The following NWD2 variants were observed in gnomAD, a reference collection of about 807,000 sequenced individuals.
NWD2 encodes the protein NACHT and WD repeat domain-containing protein 2.
A neutral mutation model predicts 132.7 loss-of-function variants in NWD2; 37 were observed. The ratio of observed to expected loss-of-function variants is 0.28; its 90% confidence interval spans 0.21 to 0.37. The LOEUF is 0.37. NWD2 is among the 10% of genes least tolerant of loss of function. The probability of loss-of-function intolerance (pLI) is 1.00; values close to 1 mark genes in which losing one functional copy is unlikely to be tolerated. For missense variants in NWD2, 1,592 were observed against 2,122.4 expected, an observed-to-expected ratio of 0.75 and a Z score of 4.91; for synonymous variants, 705 against 803.0, an observed-to-expected ratio of 0.88 and a Z score of 2.06.
chr4:37,424,993 G>A (rs1711953251), intron 3 of NWD2, among the ~76,000 whole-genome samples: 1 of 152,118 alleles, frequency 6.6e-6, no homozygotes, highest in Non-Finnish European at 1.5e-5. Flanking sequence ...TCAATTGAGA[G>A]GAGGGAAAAT....
chr4:37,313,408 A>T lies in NWD2; in HGVS notation c.152-12528A>T, dbSNP rs188189948. 3.9e-3 allele frequency among the ~76,000 whole-genome samples: 582 copies of T among 150,966 alleles called. 44 individuals are homozygous for T. The highest frequency in any genetic ancestry group is 0.014 in the African/African-American group (555 of 40,340). On this transcript the variant is annotated intron_variant, in intron 1 of 6. Coordinates refer to ENST00000309447, the MANE Select transcript of NWD2 (RefSeq NM_001144990.2). ...CCATTTCTTCTAGATTTTCTAGTTT[A>T]TTTGCGTAGAGTTATTGGTAGTATT...
intron 1 of NWD2, among the ~76,000 whole-genome samples, chr4:37,294,455 A>G (rs1053701839): frequency 6.6e-6 from 1 of 152,182 alleles, no homozygotes; most frequent in Non-Finnish European, 1.5e-5. Flanking sequence ...CAGAGGCCAT[A>G]GGAGCAGCTA....
chr4:37,373,768 C>G (rs1443021609), intron 3 of NWD2, among the ~76,000 whole-genome samples: 1 of 152,046 alleles, frequency 6.6e-6, no homozygotes, highest in Non-Finnish European at 1.5e-5. Context: ...GAGATCAGGA[C>G]AAAAGGGCAA....
intron 2 of NWD2, among the ~76,000 whole-genome samples, chr4:37,345,769 G>A (rs1378733975): frequency 6.6e-6 from 1 of 151,846 alleles, no homozygotes; most frequent in Non-Finnish European, 1.5e-5. Context: ...ATAAACTATT[G>A]TTGAATCCAA....
At chr4:37,277,618 T>C (rs1269026055) in intron 1 of NWD2, among the ~76,000 whole-genome samples, 4 of 152,136 alleles carry the variant, frequency 2.6e-5, no homozygotes, top group Non-Finnish European at 5.9e-5. Flanking sequence ...ATTATCTCTA[T>C]TTATTGTTGA....
intron 1 of NWD2, among the ~76,000 whole-genome samples, chr4:37,255,575 G>T (rs1245792061): frequency 2.0e-5 from 3 of 152,200 alleles, no homozygotes; most frequent in Non-Finnish European, 2.9e-5. Flanking sequence ...AATTGAAGGA[G>T]TTTTGGCAGG....
chr4:37,377,175 T>C (rs1175949194), intron 3 of NWD2, among the ~76,000 whole-genome samples: 1 of 152,184 alleles, frequency 6.6e-6, no homozygotes, highest in Non-Finnish European at 1.5e-5. Context: ...CAATGGCAGA[T>C]GCAAGAGTAG....
chr4:37,334,914 A>G (rs17421420), intron 2 of NWD2, among the ~76,000 whole-genome samples: 14 of 151,878 alleles, frequency 9.2e-5, no homozygotes, highest in African/African-American at 3.4e-4. Context: ...TACTTCTCCA[A>G]TCTGTTCCTT....
intron 2 of NWD2, among the ~76,000 whole-genome samples, chr4:37,347,875 A>G (rs1215865477): frequency 1.3e-5 from 2 of 152,236 alleles, no homozygotes; most frequent in African/African-American, 4.8e-5. Flanking sequence ...AGACGAGATT[A>G]TGTGTATAGT....
intron 3 of NWD2, among the ~76,000 whole-genome samples, chr4:37,428,904 G>T (rs1439002994): frequency 1.3e-5 from 2 of 151,880 alleles, no homozygotes; most frequent in African/African-American, 4.8e-5. Flanking sequence ...GCTAGTTTTT[G>T]TATTTTTAGT....
At position 37,301,664 on chromosome 4, in the gene NWD2, G is replaced by A. The variant is rs189279832; in HGVS notation, c.152-24272G>A. Among the ~76,000 whole-genome samples, 32 of 150,730 alleles carry A rather than the reference G, an allele frequency of 2.1e-4. No individual in the cohort carries two copies. In the East Asian group the frequency reaches 4.1e-3, roughly 19 times the overall value. ...TTATTAATTTCTTTTTCAAATCTGCGTTATTGGCTTTTGTGGTTTCTTATT... is the reference window on the plus strand; with the variant it reads ...TTATTAATTTCTTTTTCAAATCTGCATTATTGGCTTTTGTGGTTTCTTATT... On this transcript the variant is annotated intron_variant, in intron 1 of 6. Transcript: ENST00000309447.
intron 3 of NWD2, among the ~76,000 whole-genome samples, chr4:37,405,385 C>T (rs1241117813): frequency 6.6e-6 from 1 of 150,836 alleles, no homozygotes. Flanking sequence ...ATCATTCTGT[C>T]TAGTAGGTTG....
chr4:37,318,020 C>CTTTTTTTTTTT (rs71185128), intron 1 of NWD2, among the ~76,000 whole-genome samples: 14 of 113,330 alleles, frequency 1.2e-4, no homozygotes, highest in East Asian at 5.6e-4. Context: ...TTTTTTCTTT[C>CTTTTTTTTTTT]TTTTTTTTTT....
chr4:37,357,662 T>C (rs1719897708), intron 3 of NWD2, among the ~76,000 whole-genome samples: 1 of 152,120 alleles, frequency 6.6e-6, no homozygotes. Flanking sequence ...TTTTTTGCTT[T>C]CCCGGAGCTT....
intron 2 of NWD2, among the ~76,000 whole-genome samples, chr4:37,337,405 T>C (rs1719431138): frequency 1.3e-5 from 2 of 152,130 alleles, no homozygotes; most frequent in African/African-American, 4.8e-5. Flanking sequence ...TCCTTCCCTC[T>C]AAGAGGCAAG....
At chr4:37,313,158 G>A (rs138483542) in intron 1 of NWD2, among the ~76,000 whole-genome samples, 3,241 of 151,208 alleles carry the variant, frequency 0.021, 319 homozygotes, top group African/African-American at 0.074. Flanking sequence ...GAGTTAGGGA[G>A]GATTCCCTCT....
rs1288847539 is a variant in NWD2 at position 37,445,202 on chromosome 4, C to T, written c.3214C>T (p.Leu1072Phe). The T allele has an allele frequency of 2.6e-6, 4 of 1,551,844 alleles. No individual in the cohort carries two copies. The highest frequency in any genetic ancestry group is 3.5e-6 in the Non-Finnish European group (4 of 1,147,070). The change falls in exon 7 of 7, where the codon CTT (leucine) becomes TTT (phenylalanine). Residue 1072 changes from leucine (L) to phenylalanine (F), a missense_variant. Physicochemically the swap from Leu to Phe is conservative, Grantham distance 22 (BLOSUM62 0). This residue lies in a region of NWD2 where 1,071 missense variants were observed against 1,398.0 expected (regional missense o/e 0.77). Transcript: ENST00000309447. The surrounding 1 kb of genome is among the most constrained non-coding windows in gnomAD (Gnocchi z 4.7). ...NGFTLSANHA[L>F]AWLEASKDVT... is the part of the protein sequence containing the mutation. ...ATTTACACTGTCCGCCAACCACGCC[C>T]TTGCATGGCTCGAAGCCAGCAAAGA...
At chr4:37,326,091 C>G (rs1009834507) in intron 2 of NWD2, 67 bp downstream of exon 2, 9 of 1,047,536 alleles carry the variant, frequency 8.6e-6, no homozygotes, top group Non-Finnish European at 9.9e-6. Context: ...TTTCTTGTCA[C>G]AACTTGAGTG....
intron 2 of NWD2, among the ~76,000 whole-genome samples, chr4:37,348,675 T>TATATATATATATATATAC (rs1308407988): frequency 2.2e-4 from 5 of 22,574 alleles, no homozygotes; most frequent in African/African-American, 3.6e-4. Flanking sequence ...TATATATATA[T>TATATATATATATATATAC]ACACACACAC....
Sources: allele counts gnomAD v4.1 joint callset (sites outside exome capture counted in the v4.1 genomes callset), GRCh38; gene constraint gnomAD v4.1.1; regional missense constraint gnomAD v4.1.1; non-coding constraint Gnocchi (gnomAD v3.1); transcripts MANE v1.5; gene names NCBI Gene and HGNC (gene_info 2026-07-23, HGNC 2026-07-21).